Variants in FTO observed in about 807,000 individuals in gnomAD.
FTO encodes FTO alpha-ketoglutarate dependent dioxygenase.
A neutral mutation model predicts 63.9 loss-of-function variants in FTO; 47 were observed. The observed-to-expected ratio is 0.74, with a 90% CI of 0.58 to 0.94. FTO has a LOEUF of 0.94. FTO is among the 40% of genes least tolerant of loss of function. FTO has a pLI of 0.00. For missense variants in FTO, 562 were observed against 618.1 expected, an observed-to-expected ratio of 0.91 and a Z score of 0.96; for synonymous variants, 207 against 224.4, an observed-to-expected ratio of 0.92 and a Z score of 0.69.
At chr16:53,929,776 T>C (rs76499072) in intron 7 of FTO, among the ~76,000 whole-genome samples, 3,860 of 152,306 alleles carry the variant, frequency 0.025, 174 homozygotes, top group African/African-American at 0.087. Context: ...AAGGGAGGAC[T>C]TCTAGGTCCT....
At chr16:53,985,282 G>C (rs186136617) in intron 8 of FTO, among the ~76,000 whole-genome samples, 17 of 152,336 alleles carry the variant, frequency 1.1e-4, no homozygotes, top group Middle Eastern at 3.4e-3. Flanking sequence ...AGGAACAACA[G>C]CCATTCTGAA....
chr16:53,828,245 G>A (rs1369457656), intron 3 of FTO, among the ~76,000 whole-genome samples: 1 of 151,938 alleles, frequency 6.6e-6, no homozygotes, highest in Non-Finnish European at 1.5e-5. Flanking sequence ...TTTGAGACGG[G>A]GTCTCGCTCT....
chr16:53,807,612 T>C (rs571896576), intron 1 of FTO, among the ~76,000 whole-genome samples: 22 of 152,320 alleles, frequency 1.4e-4, no homozygotes, highest in African/African-American at 5.3e-4. Context: ...ACTGATGGAC[T>C]CTCATGAAGA....
intron 1 of FTO, among the ~76,000 whole-genome samples, chr16:53,717,394 C>T (rs925731904): frequency 6.6e-6 from 1 of 152,020 alleles, no homozygotes; most frequent in African/African-American, 2.4e-5. Flanking sequence ...GTTGAATTTC[C>T]TCCCACCATT....
intron 1 of FTO, among the ~76,000 whole-genome samples, chr16:53,787,523 A>G (rs1255990473): frequency 6.6e-6 from 1 of 152,020 alleles, no homozygotes; most frequent in Non-Finnish European, 1.5e-5. Context: ...GGTCAACTAG[A>G]ATTTAAAAGC....
rs1490815008 is a variant in FTO, at chr16:54,118,451, A to T, written c.*6536A>T. 1 of 148,462 alleles carries T rather than the reference A, an allele frequency of 6.7e-6. No homozygotes were observed. Among genetic ancestry groups the T allele is most frequent in the African/African-American group, 2.5e-5 (1 of 40,050 alleles). 9.2% of individuals were successfully genotyped at this position (148,462 alleles called of 1,614,324 possible). A position where few individuals can be genotyped will look rare whatever the true frequency, so the allele number is the denominator to read the frequency against. On this transcript the variant is annotated 3_prime_UTR_variant, in exon 9 of 9. Coordinates refer to ENST00000471389, the MANE Select transcript of FTO (RefSeq NM_001080432.3). ...CACGGCTCACTGCAGCCTCGACTTC[A>T]TGGGCTCAAGCGATTCTCCTGCCTC...
intron 8 of FTO, among the ~76,000 whole-genome samples, chr16:54,107,715 A>G (rs1457775913): frequency 2.0e-5 from 3 of 152,204 alleles, no homozygotes; most frequent in African/African-American, 7.2e-5. Flanking sequence ...AACCTAACTC[A>G]GACAATAAAG....
At position 53,908,891 on chromosome 16, in the gene FTO, G is replaced by A. The variant is rs559019619; in HGVS notation, c.1239+19940G>A. On this transcript the variant is annotated intron_variant, in intron 7 of 8. Coordinates refer to ENST00000471389, the MANE Select transcript of FTO (RefSeq NM_001080432.3). Reference sequence around the variant, plus strand: ...TAAACACTTGCTAAAGTTGAGTATCGTTTCTCATGTGAGTTCTATTATAGC... The same window carrying A: ...TAAACACTTGCTAAAGTTGAGTATCATTTCTCATGTGAGTTCTATTATAGC... 2.9e-4 allele frequency among the ~76,000 whole-genome samples: 44 copies of A among 152,122 alleles called. 1 individual carries two copies. Among genetic ancestry groups the A allele is most frequent in the Non-Finnish European group, 4.4e-4 (30 of 68,002 alleles).
In FTO at chr16:54,112,560, A is replaced by C. The variant is rs1234757575; in HGVS notation, c.*645A>C. Reference sequence around the variant, plus strand: ...CTTCTATAAAAAGTTTGAGAGCAGGAATTCTCATTTCCATTCGTCTGTAGC... The same window carrying C: ...CTTCTATAAAAAGTTTGAGAGCAGGCATTCTCATTTCCATTCGTCTGTAGC... On this transcript the variant is annotated 3_prime_UTR_variant, in exon 9 of 9. Transcript: ENST00000471389. 6.6e-6 allele frequency: 1 copy of C among 152,538 alleles called. No homozygotes were observed. Among genetic ancestry groups the C allele is most frequent in the African/African-American group, 2.4e-5 (1 of 41,460 alleles). The allele number at this position is 152,538 out of a possible 1,614,324, so 9.4% of individuals were successfully genotyped here. A position where few individuals can be genotyped will look rare whatever the true frequency, so the allele number is the denominator to read the frequency against.
chr16:54,038,580 G>C (rs1238080540), intron 8 of FTO, among the ~76,000 whole-genome samples: 3 of 152,208 alleles, frequency 2.0e-5, no homozygotes, highest in African/African-American at 7.2e-5. Flanking sequence ...GGGAGGCCTA[G>C]TGGAGGCTGT....
intron 1 of FTO, among the ~76,000 whole-genome samples, chr16:53,809,068 G>A (rs1344391716): frequency 6.6e-6 from 1 of 152,142 alleles, no homozygotes; most frequent in Non-Finnish European, 1.5e-5. Flanking sequence ...TCAGAAGGAC[G>A]GAGGTGCCCT....
At chr16:53,725,916 T>G (rs2076141813) in intron 1 of FTO, among the ~76,000 whole-genome samples, 1 of 152,242 alleles carries the variant, frequency 6.6e-6, no homozygotes, top group Non-Finnish European at 1.5e-5. Context: ...AGAAGACCTG[T>G]CCAACTTAAT....
intron 1 of FTO, among the ~76,000 whole-genome samples, chr16:53,729,666 C>T (rs746263291): frequency 5.3e-5 from 8 of 151,892 alleles, no homozygotes; most frequent in Non-Finnish European, 1.2e-4. Flanking sequence ...CCCCAACCCC[C>T]AGCTTTCACC....
chr16:54,064,792 AGGGTGAGCCCCTTGCCATCACG>A (rs755796120), intron 8 of FTO, among the ~76,000 whole-genome samples: 2 of 152,190 alleles, frequency 1.3e-5, no homozygotes, highest in Non-Finnish European at 2.9e-5. Context: ...ATTAAAAAAG[AGGGTGAGCCCCTTGCCATCACG>A]GGGTGACAGG....
At chr16:54,056,117 C>A (rs72809660) in intron 8 of FTO, among the ~76,000 whole-genome samples, 11,613 of 152,224 alleles carry the variant, frequency 0.076, 696 homozygotes, top group African/African-American at 0.15. Flanking sequence ...TAGTGCGTAA[C>A]AATAGCATGC....
At chr16:54,057,957 A>G (rs1283450038) in intron 8 of FTO, among the ~76,000 whole-genome samples, 4 of 152,112 alleles carry the variant, frequency 2.6e-5, no homozygotes, top group Admixed American at 2.6e-4. Context: ...GGACCCTGCT[A>G]TCATGGCCCT....
At chr16:53,919,880 C>T (rs184988861) in intron 7 of FTO, among the ~76,000 whole-genome samples, 1 of 152,262 alleles carries the variant, frequency 6.6e-6, no homozygotes, top group South Asian at 2.1e-4. Context: ...ACATTGGGTA[C>T]AGTGTACACT....
chr16:53,885,595 A>G (rs1175680787), intron 6 of FTO, among the ~76,000 whole-genome samples: 2 of 152,240 alleles, frequency 1.3e-5, no homozygotes, highest in African/African-American at 4.8e-5. Flanking sequence ...GAGATGCTTG[A>G]GGACAGGAAG....
At chr16:53,715,146 C>T (rs2075865046) in intron 1 of FTO, among the ~76,000 whole-genome samples, 1 of 152,160 alleles carries the variant, frequency 6.6e-6, no homozygotes, top group Non-Finnish European at 1.5e-5. Context: ...CTTTATTTTT[C>T]ATGATTTAAA....
Sources: gnomAD v4.1 joint callset for allele counts (sites outside exome capture counted in the v4.1 genomes callset) on GRCh38, gnomAD v4.1.1 for gene constraint, MANE v1.5 for transcripts, NCBI Gene and HGNC (gene_info 2026-07-23, HGNC 2026-07-21) for gene names.